PAPSS1: variants seen among roughly 807,000 people sequenced by gnomAD.
PAPSS1 encodes the protein bifunctional 3'-phosphoadenosine 5'-phosphosulfate synthase 1.
Under a neutral mutation model 72.0 loss-of-function variants are expected in PAPSS1, and 50 were observed. The observed-to-expected ratio is 0.69, with a 90% CI of 0.55 to 0.88. The LOEUF is 0.88. Among genes scored for constraint, PAPSS1 ranks in the 40% least tolerant of loss-of-function variants. The pLI is 0.00. For missense variants in PAPSS1, 657 were observed against 782.2 expected, an observed-to-expected ratio of 0.84 and a Z score of 1.91; for synonymous variants, 261 against 263.6, an observed-to-expected ratio of 0.99 and a Z score of 0.09.
chr4:107,678,003 AG>A (rs1175010385), intron 5 of PAPSS1, among the ~76,000 whole-genome samples: 24 of 152,148 alleles, frequency 1.6e-4, no homozygotes, highest in Non-Finnish European at 1.5e-4. Context: ...ACATGGACAC[AG>A]GAAGGGGAAC....
chr4:107,685,772 A>AT (rs1722767159), intron 4 of PAPSS1, among the ~76,000 whole-genome samples: 1 of 152,200 alleles, frequency 6.6e-6, no homozygotes, highest in Admixed American at 6.5e-5. Flanking sequence ...CAAATACAGA[A>AT]GAACCCAGAA....
intron 10 of PAPSS1, among the ~76,000 whole-genome samples, chr4:107,640,931 G>A (rs1393237274): frequency 2.0e-5 from 3 of 152,062 alleles, no homozygotes; most frequent in Non-Finnish European, 2.9e-5. Context: ...AGCTCTGCAG[G>A]CACCCAGAAC....
Position 107,654,689 on chromosome 4 carries a change from C to T in PAPSS1, c.1101+6G>A, listed in dbSNP as rs1291195593. 4 of 1,609,048 alleles carry T rather than the reference C, an allele frequency of 2.5e-6. No homozygotes were observed. The South Asian group carries it at 4.4e-5, about 18-fold the overall frequency. On this transcript the variant is annotated splice_donor_region_variant and intron_variant, in intron 8 of 11. Transcript: ENST00000265174. The stretch of plus-strand genomic sequence containing the variant: ...AAGATAAAATGCAGCGAGGTTTTTT[C>T]AGCACCTTAATATAGGGGTGGTTCT...
chr4:107,644,386 A>G (rs1386002596), intron 10 of PAPSS1, among the ~76,000 whole-genome samples: 1 of 152,194 alleles, frequency 6.6e-6, no homozygotes, highest in Admixed American at 6.5e-5. Context: ...AAGGACACAG[A>G]GAAGAATTTA....
chr4:107,710,491 C>G (rs1056917928), intron 1 of PAPSS1, among the ~76,000 whole-genome samples: 1 of 143,386 alleles, frequency 7.0e-6, no homozygotes, highest in South Asian at 2.5e-4. Flanking sequence ...GTGTCCTGCT[C>G]GGGGTCAGGT....
At chr4:107,614,951 C>T (rs759222281) in intron 11 of PAPSS1, among the ~76,000 whole-genome samples, 11 of 138,806 alleles carry the variant, frequency 7.9e-5, no homozygotes, top group Non-Finnish European at 1.7e-4. Flanking sequence ...CTCCTGGCAA[C>T]CACTAATCTA....
intron 11 of PAPSS1, among the ~76,000 whole-genome samples, chr4:107,623,329 T>C (rs571835179): frequency 1.3e-5 from 2 of 152,298 alleles, no homozygotes; most frequent in Admixed American, 1.3e-4. Flanking sequence ...TCCTTTGTCA[T>C]TTTTGACTAA....
chr4:107,654,537 CA>C, intron 8 of PAPSS1, among the ~76,000 whole-genome samples, 157 bp downstream of exon 8: 1 of 152,276 alleles, frequency 6.6e-6, no homozygotes, highest in South Asian at 2.1e-4. Context: ...ACCAAAATGA[CA>C]AGAGCATAAA....
chr4:107,636,087 C>A (rs943795727), intron 10 of PAPSS1, among the ~76,000 whole-genome samples: 1 of 152,126 alleles, frequency 6.6e-6, no homozygotes, highest in African/African-American at 2.4e-5. Flanking sequence ...TATAAGATAT[C>A]CGAAAGTCAA....
Position 107,687,021 on chromosome 4 carries a change from G to A in PAPSS1, c.550+18C>T, listed in dbSNP as rs11097962. ...AAATATCTAAGCAAAGTGAAACTGG[G>A]AAGAAAATATTACTGACCTTTAATT... On this transcript the variant is annotated intron_variant, in intron 4 of 11. Coordinates refer to ENST00000265174, the MANE Select transcript of PAPSS1 (RefSeq NM_005443.5). The A allele has an allele frequency of 7.3e-3, 11,623 of 1,589,760 alleles. 717 individuals are homozygous for A. In the African/African-American group the frequency reaches 0.13, roughly 18 times the overall value.
At chr4:107,626,192 A>G (rs1403959395) in intron 11 of PAPSS1, among the ~76,000 whole-genome samples, 1 of 151,706 alleles carries the variant, frequency 6.6e-6, no homozygotes, top group Admixed American at 6.6e-5. Flanking sequence ...AAAAAAAAAA[A>G]AAGTATACTC....
intron 5 of PAPSS1, among the ~76,000 whole-genome samples, chr4:107,678,665 G>A (rs1210722118): frequency 6.6e-6 from 1 of 151,936 alleles, no homozygotes; most frequent in Non-Finnish European, 1.5e-5. Context: ...AGTACAATGG[G>A]GGACCGGGGG....
intron 8 of PAPSS1, 45 bp downstream of exon 8, chr4:107,654,650 A>G (rs1726945379): frequency 6.7e-7 from 1 of 1,484,190 alleles, no homozygotes; most frequent in East Asian, 2.3e-5. Context: ...CAGCACAAAC[A>G]TCATTGGCAA....
At chr4:107,653,084 AAT>A (rs1189418947) in intron 9 of PAPSS1, among the ~76,000 whole-genome samples, 1 of 148,818 alleles carries the variant, frequency 6.7e-6, no homozygotes, top group Non-Finnish European at 1.5e-5. Flanking sequence ...TACATATATG[AAT>A]ATATATGAAT....
intron 1 of PAPSS1, among the ~76,000 whole-genome samples, chr4:107,701,976 CAAAAA>C (rs11328129): frequency 1.5e-5 from 2 of 133,914 alleles, no homozygotes; most frequent in African/African-American, 2.8e-5. Flanking sequence ...AAAGCTGCTT[CAAAAA>C]AAAAAAAAAA....
At chr4:107,616,781 G>T (rs1316094653) in intron 11 of PAPSS1, among the ~76,000 whole-genome samples, 1 of 152,180 alleles carries the variant, frequency 6.6e-6, no homozygotes, top group African/African-American at 2.4e-5. Context: ...CATGCATTAA[G>T]ATGGGATAGG....
At chr4:107,663,728 C>A (rs979543231) in intron 5 of PAPSS1, among the ~76,000 whole-genome samples, 9 of 152,148 alleles carry the variant, frequency 5.9e-5, no homozygotes, top group African/African-American at 2.2e-4. Context: ...AAGCACTCTG[C>A]ATGTATCAAC....
chr4:107,700,347 G>C (rs568401676), intron 2 of PAPSS1, among the ~76,000 whole-genome samples: 1 of 152,104 alleles, frequency 6.6e-6, no homozygotes, highest in Non-Finnish European at 1.5e-5. Flanking sequence ...AGCATCCATC[G>C]TTTTTAAAGC....
At chr4:107,673,178 C>A (rs1156735297) in intron 5 of PAPSS1, among the ~76,000 whole-genome samples, 1 of 152,208 alleles carries the variant, frequency 6.6e-6, no homozygotes, top group African/African-American at 2.4e-5. Context: ...AGGAACGCAG[C>A]TCCTCAACAG....
Sources: gnomAD v4.1 joint callset for allele counts (sites outside exome capture counted in the v4.1 genomes callset) on GRCh38, gnomAD v4.1.1 for gene constraint, MANE v1.5 for transcripts, NCBI Gene and HGNC (gene_info 2026-07-23, HGNC 2026-07-21) for gene names.